CNOT6L: variants seen among roughly 807,000 people sequenced by gnomAD.
The protein encoded by CNOT6L is CCR4-NOT transcription complex subunit 6-like.
In CNOT6L, 7 loss-of-function variants were observed where a neutral mutation model predicts 64.0. That is an observed-to-expected ratio of 0.11 (90% confidence interval 0.06 to 0.21). CNOT6L has a LOEUF of 0.21. CNOT6L is among the 10% of genes least tolerant of loss of function. The pLI, the probability that CNOT6L is intolerant of heterozygous loss-of-function variation, is 1.00. For synonymous variants in CNOT6L, 193 were observed against 243.4 expected (o/e 0.79, Z 1.93); for missense variants, 245 against 669.0 (o/e 0.37, Z 6.99).
At position 77,815,910 on chromosome 4, in the gene CNOT6L, T is replaced by C. The variant is rs111484902; in HGVS notation, c.5+3394A>G. Among the ~76,000 whole-genome samples, 153 of 152,232 alleles carry C rather than the reference T, an allele frequency of 1.0e-3. 1 individual carries two copies. The highest frequency in any genetic ancestry group is 3.2e-3 in the African/African-American group (132 of 41,560). On this transcript the variant is annotated intron_variant, in intron 1 of 11. Coordinates refer to ENST00000504123, the MANE Select transcript of CNOT6L (RefSeq NM_144571.3). ...AAACTGTCATGAAAGCAAGTAAACA[T>C]CTGCACTGGAACTGTCATGAAAGCA...
At position 77,752,865 on chromosome 4, in the gene CNOT6L, T is replaced by C. The variant is rs540217328; in HGVS notation, c.490+3997A>G. 3.3e-5 allele frequency among the ~76,000 whole-genome samples: 5 copies of C among 151,868 alleles called. No homozygotes were observed. In the South Asian group the frequency reaches 1.0e-3, roughly 32 times the overall value. ...GAAGAAATAAAGAAATTAATAATAT[T>C]GAAAACAAACATACAATAAAGAAGA... On this transcript the variant is annotated intron_variant, in intron 5 of 11. Transcript: ENST00000504123.
intron 10 of CNOT6L, 66 bp downstream of exon 10, chr4:77,728,788 T>C (rs1338206815): frequency 1.6e-6 from 2 of 1,252,984 alleles, no homozygotes; most frequent in Admixed American, 1.7e-5. Flanking sequence ...ATTTAGGAGC[T>C]AGCTGGCCTT....
chr4:77,797,551 T>C (rs922695279), intron 1 of CNOT6L, among the ~76,000 whole-genome samples: 2 of 152,164 alleles, frequency 1.3e-5, no homozygotes, highest in African/African-American at 2.4e-5. Flanking sequence ...GAAACCCTTA[T>C]TTTACTTAAT....
Position 77,716,947 on chromosome 4 carries a change from A to AC in CNOT6L, c.*3483dup, listed in dbSNP as rs1223233510. On this transcript the variant is annotated 3_prime_UTR_variant, in exon 12 of 12. Coordinates refer to ENST00000504123, the MANE Select transcript of CNOT6L (RefSeq NM_144571.3). ...CTCAGAACCCATTGTGCCATACCTG[A>AC]CTTCAACATGTGATATTCAAACGAA... 3 of 152,568 alleles carry AC rather than the reference A, an allele frequency of 2.0e-5. No homozygotes were observed. The highest frequency in any genetic ancestry group is 4.4e-5 in the Non-Finnish European group (3 of 68,008). 9.5% of individuals were successfully genotyped at this position (152,568 alleles called of 1,614,324 possible). A position where few individuals can be genotyped will look rare whatever the true frequency, so the allele number is the denominator to read the frequency against.
At chr4:77,808,550 A>T (rs1471292874) in intron 1 of CNOT6L, among the ~76,000 whole-genome samples, 1 of 152,098 alleles carries the variant, frequency 6.6e-6, no homozygotes, top group South Asian at 2.1e-4. Context: ...GAAAACAGTA[A>T]CTATTATTAT....
At chr4:77,750,309 T>G (rs920585845) in intron 5 of CNOT6L, among the ~76,000 whole-genome samples, 2 of 152,148 alleles carry the variant, frequency 1.3e-5, no homozygotes, top group Admixed American at 6.5e-5. Context: ...AATTTTAACT[T>G]TTTTTACAAA....
chr4:77,755,210 T>C (rs1305917156), intron 5 of CNOT6L, among the ~76,000 whole-genome samples: 1 of 140,520 alleles, frequency 7.1e-6, no homozygotes, highest in Non-Finnish European at 1.5e-5. Flanking sequence ...TGGCTACATC[T>C]ATAGAGACAA....
chr4:77,742,333 G>T (rs1413783095), intron 7 of CNOT6L, 38 bp from the exon 8 acceptor site: 1 of 1,549,506 alleles, frequency 6.5e-7, no homozygotes, highest in Middle Eastern at 1.7e-4. Context: ...TATGACAGAG[G>T]GAAAATGCTG....
intron 1 of CNOT6L, among the ~76,000 whole-genome samples, chr4:77,812,952 A>G (rs1248783023): frequency 6.6e-6 from 1 of 152,254 alleles, no homozygotes; most frequent in Non-Finnish European, 1.5e-5. Context: ...AGACCTCTCA[A>G]TTACAAAGCT....
chr4:77,731,591 TA>T (rs1264294175), intron 8 of CNOT6L, 53 bp from the exon 9 acceptor site: 4 of 1,300,552 alleles, frequency 3.1e-6, no homozygotes, highest in Non-Finnish European at 3.1e-6. Flanking sequence ...TGCTGAAAGA[TA>T]TTAAATGAAA....
intron 1 of CNOT6L, among the ~76,000 whole-genome samples, chr4:77,800,710 T>C (rs1387329175): frequency 1.3e-5 from 2 of 152,180 alleles, no homozygotes; most frequent in East Asian, 3.8e-4. Flanking sequence ...TTAGAATGTG[T>C]ATAAGCCATA....
At chr4:77,773,002 C>G in intron 4 of CNOT6L, 79 bp downstream of exon 4, 6 of 800,444 alleles carry the variant, frequency 7.5e-6, no homozygotes, top group Non-Finnish European at 1.2e-5. Context: ...AAAACTCATA[C>G]TAAAACTTGA....
At chr4:77,775,102 G>C (rs1728010876) in intron 2 of CNOT6L, among the ~76,000 whole-genome samples, 2 of 152,134 alleles carry the variant, frequency 1.3e-5, no homozygotes, top group Non-Finnish European at 2.9e-5. Context: ...AGTGAGTAGA[G>C]GCCAGAAATG....
rs1051701994 is a variant in CNOT6L, at chr4:77,720,014, T to A, written c.*417A>T. On this transcript the variant is annotated 3_prime_UTR_variant, in exon 12 of 12. Transcript: ENST00000504123. ...AAGGTTTTCCCTGGAAGGCATATCATCATTCAGTTTAAAATACTGTATTTA... is the reference window on the plus strand; with the variant it reads ...AAGGTTTTCCCTGGAAGGCATATCAACATTCAGTTTAAAATACTGTATTTA... The A allele has an allele frequency of 6.4e-6, 1 of 156,992 alleles. No individual in the cohort carries two copies. The highest frequency in any genetic ancestry group is 2.4e-5 in the African/African-American group (1 of 41,486). The allele number at this position is 156,992 out of a possible 1,614,324, so 9.7% of individuals were successfully genotyped here.
chr4:77,721,672 C>T (rs1216655701), intron 11 of CNOT6L, among the ~76,000 whole-genome samples: 1 of 152,042 alleles, frequency 6.6e-6, no homozygotes, highest in Non-Finnish European at 1.5e-5. Context: ...AAAACTGTTC[C>T]TCTTCTAAGA....
At chr4:77,768,470 A>AAAATATATATATATATATATATATAT (rs1727112716) in intron 4 of CNOT6L, among the ~76,000 whole-genome samples, 1 of 134,406 alleles carries the variant, frequency 7.4e-6, no homozygotes, top group African/African-American at 3.0e-5. Context: ...GTCTAAAATA[A>AAAATATATATATATATATATATATAT]ATAAATATAT....
At chr4:77,752,488 T>C (rs759631183) in intron 5 of CNOT6L, among the ~76,000 whole-genome samples, 2 of 152,150 alleles carry the variant, frequency 1.3e-5, no homozygotes, top group East Asian at 1.9e-4. Flanking sequence ...TCTGCAGAGG[T>C]AATAAATATT....
rs1316921879 is a variant in CNOT6L, at chr4:77,719,197, G to A, written c.*1234C>T. Reference sequence around the variant, plus strand: ...ACAGATTTTCAACTGGCCCCTCCTAGGCAAAAAAAAGATTCCAACATACCT... The same window carrying A: ...ACAGATTTTCAACTGGCCCCTCCTAAGCAAAAAAAAGATTCCAACATACCT... On this transcript the variant is annotated 3_prime_UTR_variant, in exon 12 of 12. Coordinates refer to ENST00000504123, the MANE Select transcript of CNOT6L (RefSeq NM_144571.3). 3 of 152,234 alleles carry A rather than the reference G, an allele frequency of 2.0e-5. No homozygotes were observed. Among genetic ancestry groups the A allele is most frequent in the African/African-American group, 7.3e-5 (3 of 41,334 alleles). The allele number at this position is 152,234 out of a possible 1,614,324, so 9.4% of individuals were successfully genotyped here. A position where few individuals can be genotyped will look rare whatever the true frequency, so the allele number is the denominator to read the frequency against.
At chr4:77,781,185 TAGGGGGCA>T (rs1245244156) in intron 1 of CNOT6L, among the ~76,000 whole-genome samples, 3 of 150,442 alleles carry the variant, frequency 2.0e-5, no homozygotes, top group Non-Finnish European at 4.4e-5. Flanking sequence ...TGTCAGGGGG[TAGGGGGCA>T]AGGGGAGGGA....
Sources: allele counts gnomAD v4.1 joint callset (sites outside exome capture counted in the v4.1 genomes callset), GRCh38; gene constraint gnomAD v4.1.1; transcripts MANE v1.5; gene names NCBI Gene and HGNC (gene_info 2026-07-23, HGNC 2026-07-21).